The following DLGAP2 variants were observed in gnomAD, a reference collection of about 807,000 sequenced individuals.
The protein encoded by DLGAP2 is DLG associated protein 2, also known as disks large-associated protein 2.
A neutral mutation model predicts 100.3 loss-of-function variants in DLGAP2; 26 were observed. That is an observed-to-expected ratio of 0.26 (90% CI 0.19 to 0.36). The LOEUF is 0.36. Among genes scored for constraint, DLGAP2 ranks in the 10% least tolerant of loss-of-function variants. The pLI, the probability that DLGAP2 is intolerant of heterozygous loss-of-function variation, is 1.00. For missense variants in DLGAP2, 1,858 were observed against 1,453.2 expected, an observed-to-expected ratio of 1.28 and a Z score of -4.53; for synonymous variants, 886 against 630.1, an observed-to-expected ratio of 1.41 and a Z score of -6.08.
Position 1,295,423 on chromosome 8 carries a change from G to A in DLGAP2, c.106+36540G>A, listed in dbSNP as rs185969131. 2.0e-3 allele frequency among the ~76,000 whole-genome samples: 298 copies of A among 152,262 alleles called. 1 individual carries two copies. Among genetic ancestry groups the A allele is most frequent in the African/African-American group, 6.5e-3 (271 of 41,546 alleles). ...GAGTTCTCCCTGGGAAGCTTCTTCC[G>A]GCCGCCAGGAGGGGAGGGAAGCCAG... On this transcript the variant is annotated intron_variant, in intron 3 of 14. Transcript: ENST00000637795.
At chr8:1,261,450 C>A (rs1402226817) in intron 3 of DLGAP2, among the ~76,000 whole-genome samples, 1 of 150,912 alleles carries the variant, frequency 6.6e-6, no homozygotes, top group Non-Finnish European at 1.5e-5. Flanking sequence ...GAGGGCAGGT[C>A]AGCTTCCAGA....
intron 3 of DLGAP2, among the ~76,000 whole-genome samples, chr8:1,492,929 C>T (rs1799434094): frequency 6.6e-6 from 1 of 152,174 alleles, no homozygotes; most frequent in Non-Finnish European, 1.5e-5. Flanking sequence ...TCAACCCGCC[C>T]TCCACCCTCC....
At chr8:1,308,304 G>C (rs1800538386) in intron 3 of DLGAP2, among the ~76,000 whole-genome samples, 1 of 152,170 alleles carries the variant, frequency 6.6e-6, no homozygotes, top group Non-Finnish European at 1.5e-5. Context: ...AGACTCCAGT[G>C]ACTGCACACG....
chr8:1,551,712 G>A (rs1271220470), intron 5 of DLGAP2, among the ~76,000 whole-genome samples: 1 of 151,814 alleles, frequency 6.6e-6, no homozygotes, highest in African/African-American at 2.4e-5. Flanking sequence ...TTCCCACCCA[G>A]GCTACACTGC....
chr8:1,304,962 G>A (rs976047272), intron 3 of DLGAP2, among the ~76,000 whole-genome samples: 1 of 152,204 alleles, frequency 6.6e-6, no homozygotes, highest in Non-Finnish European at 1.5e-5. Context: ...GCTGAAGTGA[G>A]ACAGATACGA....
chr8:811,770 G>C (rs1216672723), intron 1 of DLGAP2, among the ~76,000 whole-genome samples: 5 of 152,210 alleles, frequency 3.3e-5, no homozygotes. Flanking sequence ...CTCCTGCCGT[G>C]GTGAGAGGCC....
chr8:1,500,016 C>T (rs1799663984), intron 3 of DLGAP2, among the ~76,000 whole-genome samples: 1 of 152,096 alleles, frequency 6.6e-6, no homozygotes, highest in African/African-American at 2.4e-5. Flanking sequence ...AGATGTGCCT[C>T]AAAGCCTGTC....
At chr8:1,464,593 T>C (rs76897941) in intron 3 of DLGAP2, among the ~76,000 whole-genome samples, 2,687 of 152,316 alleles carry the variant, frequency 0.018, 69 homozygotes, top group African/African-American at 0.061. Flanking sequence ...GACAGCTCCC[T>C]TCCTGCTGAG....
At chr8:1,218,499 G>GT (rs58452184) in intron 2 of DLGAP2, among the ~76,000 whole-genome samples, 12 of 151,582 alleles carry the variant, frequency 7.9e-5, no homozygotes, top group South Asian at 2.1e-4. Flanking sequence ...GTTTAGTTTT[G>GT]TTTTTTTACC....
At chr8:758,966 A>ACCCCTG (rs1820989120) in intron 1 of DLGAP2, among the ~76,000 whole-genome samples, 1 of 150,914 alleles carries the variant, frequency 6.6e-6, no homozygotes, top group African/African-American at 2.4e-5. Flanking sequence ...CATTATCAAT[A>ACCCCTG]ACCCCCACAA....
At chr8:1,344,114 T>TTCAGGGCCCTGTCCTGGGTCCGTGTAC (rs1554447134) in intron 3 of DLGAP2, among the ~76,000 whole-genome samples, 1 of 36,894 alleles carries the variant, frequency 2.7e-5, no homozygotes, top group African/African-American at 5.4e-5. Flanking sequence ...GGTCCATGTA[T>TTCAGGGCCCTGTCCTGGGTCCGTGTAC]TCGGGGCCCT....
intron 2 of DLGAP2, among the ~76,000 whole-genome samples, chr8:1,089,611 T>A (rs1216205123): frequency 1.3e-5 from 2 of 152,224 alleles, no homozygotes; most frequent in Admixed American, 1.3e-4. Context: ...TGGAAGTAGC[T>A]GTTTTGCAAA....
intron 3 of DLGAP2, among the ~76,000 whole-genome samples, chr8:1,380,806 CCTTAT>C (rs773515535): frequency 1.3e-5 from 2 of 151,656 alleles, no homozygotes; most frequent in African/African-American, 2.4e-5. Flanking sequence ...ACTCACAATA[CCTTAT>C]CTTATTAAAT....
intron 3 of DLGAP2, among the ~76,000 whole-genome samples, chr8:1,260,674 G>A (rs1286926088): frequency 6.6e-6 from 1 of 151,996 alleles, no homozygotes; most frequent in African/African-American, 2.4e-5. Context: ...TGGAGGCGAG[G>A]GTTTGGACTG....
At chr8:1,489,242 G>A (rs369920487) in intron 3 of DLGAP2, among the ~76,000 whole-genome samples, 55 of 152,314 alleles carry the variant, frequency 3.6e-4, no homozygotes, top group African/African-American at 1.1e-3. Context: ...GTTGGAGTTC[G>A]TGGAAAAAAT....
intron 2 of DLGAP2, among the ~76,000 whole-genome samples, chr8:1,076,948 C>G (rs1358125691): frequency 6.7e-6 from 1 of 148,240 alleles, no homozygotes; most frequent in African/African-American, 2.5e-5. Flanking sequence ...GTCCCGGGCC[C>G]CCCAAGACCA....
intron 2 of DLGAP2, among the ~76,000 whole-genome samples, chr8:1,252,252 G>C (rs1475474315): frequency 1.3e-5 from 2 of 151,288 alleles, no homozygotes; most frequent in East Asian, 2.0e-4. Flanking sequence ...GTTGTCCTGG[G>C]TCGTGGTGTC....
intron 2 of DLGAP2, among the ~76,000 whole-genome samples, chr8:1,010,883 C>A (rs1217606028): frequency 6.6e-6 from 1 of 151,522 alleles, no homozygotes; most frequent in African/African-American, 2.4e-5. Context: ...GCACAGTGAG[C>A]CCCAGGCGAG....
chr8:1,119,388 C>T (rs930290530), intron 2 of DLGAP2, among the ~76,000 whole-genome samples: 2 of 152,374 alleles, frequency 1.3e-5, no homozygotes, highest in African/African-American at 4.8e-5. Flanking sequence ...GCTGACTGTG[C>T]ATCTACTGCA....
Sources: allele counts gnomAD v4.1 joint callset (sites outside exome capture counted in the v4.1 genomes callset), GRCh38; gene constraint gnomAD v4.1.1; transcripts MANE v1.5; gene names NCBI Gene and HGNC (gene_info 2026-07-23, HGNC 2026-07-21).